TNIP3: variants seen among roughly 807,000 people sequenced by gnomAD.
TNIP3 encodes TNFAIP3 interacting protein 3.
In TNIP3, 34 loss-of-function variants were observed where a neutral mutation model predicts 54.1. That is an observed-to-expected ratio of 0.63 (90% CI 0.48 to 0.84). The LOEUF is 0.84. Ranked by LOEUF, TNIP3 falls within the 40% of genes least tolerant of loss-of-function variation. The pLI, the probability that TNIP3 is intolerant of heterozygous loss-of-function variation, is 0.00. For missense variants in TNIP3, 366 were observed against 387.6 expected (o/e 0.94, Z 0.47); for synonymous variants, 134 against 136.8 (o/e 0.98, Z 0.14).
chr4:121,204,685 T>C (rs995916975), intron 2 of TNIP3, among the ~76,000 whole-genome samples: 2 of 152,210 alleles, frequency 1.3e-5, no homozygotes, highest in Non-Finnish European at 2.9e-5. Flanking sequence ...GATATATTCT[T>C]ACATACTAGT....
At chr4:121,201,580 T>G in intron 2 of TNIP3, among the ~76,000 whole-genome samples, 1 of 152,188 alleles carries the variant, frequency 6.6e-6, no homozygotes, top group East Asian at 1.9e-4. Context: ...CTATCTAGCT[T>G]CATGCAATAC....
At chr4:121,209,552 C>G (rs1726367556) in intron 2 of TNIP3, among the ~76,000 whole-genome samples, 1 of 152,112 alleles carries the variant, frequency 6.6e-6, no homozygotes, top group Non-Finnish European at 1.5e-5. Context: ...TAAATGAACT[C>G]AAGCAAGCAG....
chr4:121,187,180 G>A (rs1361418202), intron 2 of TNIP3, among the ~76,000 whole-genome samples: 1 of 152,080 alleles, frequency 6.6e-6, no homozygotes, highest in Non-Finnish European at 1.5e-5. Flanking sequence ...ACTATGACCT[G>A]AGGGTAAAAC....
chr4:121,161,312 T>G, intron 1 of TNIP3, 96 bp from the exon 2 acceptor site: 1 of 1,023,408 alleles, frequency 9.8e-7, no homozygotes, highest in Non-Finnish European at 1.4e-6. Context: ...TGGCCAACTC[T>G]CCTGTTGCGA....
chr4:121,139,890 T>C (rs554339587), intron 9 of TNIP3, among the ~76,000 whole-genome samples: 1 of 152,358 alleles, frequency 6.6e-6, no homozygotes, highest in East Asian at 1.9e-4. Flanking sequence ...GTAAATATCC[T>C]GTAATGTTAC....
chr4:121,212,073 T>C (rs1726504751), intron 2 of TNIP3, among the ~76,000 whole-genome samples: 1 of 152,230 alleles, frequency 6.6e-6, no homozygotes, highest in African/African-American at 2.4e-5. Context: ...TCCCAAACAC[T>C]TTCTGGCATA....
chr4:121,199,440 G>A (rs1405888748), intron 2 of TNIP3, among the ~76,000 whole-genome samples: 4 of 152,134 alleles, frequency 2.6e-5, no homozygotes, highest in African/African-American at 9.7e-5. Flanking sequence ...CTCCTTTCTG[G>A]CAGAGGTAGA....
Position 121,201,044 on chromosome 4 carries a change from T to C in TNIP3, c.68+15371A>G, listed in dbSNP as rs551301934. ...TGGGGAAGAGAGTAGGAGTTGAAGG[T>C]CAAGGGGAACTTTGGTGGCTGCAAT... On this transcript the variant is annotated intron_variant, in intron 2 of 12. Coordinates refer to the TNIP3 transcript ENST00000507879. 6.6e-5 allele frequency among the ~76,000 whole-genome samples: 10 copies of C among 152,250 alleles called. No homozygotes were observed. In the East Asian group the frequency reaches 1.9e-3, roughly 29 times the overall value.
chr4:121,197,794 G>T (rs988965138), intron 2 of TNIP3, among the ~76,000 whole-genome samples: 2 of 152,098 alleles, frequency 1.3e-5, no homozygotes, highest in Non-Finnish European at 2.9e-5. Flanking sequence ...AATGAAGATT[G>T]TTGGTATTAT....
At chr4:121,176,817 C>T (rs1724385410) in intron 3 of TNIP3, among the ~76,000 whole-genome samples, 1 of 151,944 alleles carries the variant, frequency 6.6e-6, no homozygotes, top group Admixed American at 6.6e-5. Context: ...ATATATTAAT[C>T]TCTGAACCAA....
intron 2 of TNIP3, among the ~76,000 whole-genome samples, chr4:121,205,743 T>C (rs972283896): frequency 1.3e-5 from 2 of 152,070 alleles, no homozygotes; most frequent in Non-Finnish European, 2.9e-5. Context: ...TGCCTCCAAG[T>C]TCTTTCAGAT....
chr4:121,157,138 C>G lies in TNIP3; in HGVS notation c.319G>C (p.Asp107His), dbSNP rs370464126. 1 of 1,611,216 alleles carries G rather than the reference C, an allele frequency of 6.2e-7. No individual in the cohort carries two copies. The highest frequency in any genetic ancestry group is 2.2e-5 in the East Asian group (1 of 44,866). ...TCCCGGGTCAGGTCGCGCTGCCTGTCGTCCTCTCTCTGCCTGTCGTCCTTT... is the reference window on the plus strand; with the variant it reads ...TCCCGGGTCAGGTCGCGCTGCCTGTGGTCCTCTCTCTGCCTGTCGTCCTTT... The part of the protein sequence containing the change: ...QRKDDRQRED[D>H]RQRDLTRDRL... Residue 107 changes from aspartate to histidine, a missense_variant, in exon 4 of 11, where the codon GAC becomes CAC. Transcript: ENST00000057513.
At chr4:121,159,735 G>A (rs955794032) in intron 2 of TNIP3, among the ~76,000 whole-genome samples, 2 of 152,190 alleles carry the variant, frequency 1.3e-5, no homozygotes, top group African/African-American at 4.8e-5. Flanking sequence ...ATAATTTAAA[G>A]ATCTTAAGAC....
intron 2 of TNIP3, among the ~76,000 whole-genome samples, chr4:121,210,304 C>A (rs932767664): frequency 6.6e-6 from 1 of 151,994 alleles, no homozygotes; most frequent in African/African-American, 2.4e-5. Flanking sequence ...TTTTTAATAG[C>A]CTGAAGTTGA....
intron 3 of TNIP3, among the ~76,000 whole-genome samples, chr4:121,171,273 A>G (rs1010797944): frequency 7.9e-5 from 12 of 152,214 alleles, no homozygotes; most frequent in Admixed American, 7.2e-4. Context: ...TTTCAAAACA[A>G]TTTTTAAAGA....
At chr4:121,135,113 C>G (rs1327035157) in intron 10 of TNIP3, among the ~76,000 whole-genome samples, 1 of 152,168 alleles carries the variant, frequency 6.6e-6, no homozygotes, top group Non-Finnish European at 1.5e-5. Context: ...GGGCTTAGGT[C>G]TCCCTGTGCC....
intron 9 of TNIP3, among the ~76,000 whole-genome samples, chr4:121,140,350 GA>G (rs1355852908): frequency 5.9e-5 from 9 of 151,450 alleles, no homozygotes; most frequent in Admixed American, 1.3e-4. Context: ...AAAGAAAAAA[GA>G]AAAAAAGAAA....
intron 8 of TNIP3, among the ~76,000 whole-genome samples, chr4:121,142,505 C>T (rs1315263713): frequency 1.3e-5 from 2 of 152,174 alleles, no homozygotes; most frequent in East Asian, 1.9e-4. Context: ...ACTTGTGCTA[C>T]TGGTAACATG....
rs574181715 is a variant in TNIP3 at position 121,144,044 on chromosome 4, G to A, written c.736-1268C>T. On this transcript the variant is annotated intron_variant, in intron 7 of 10. Coordinates refer to ENST00000057513, the MANE Select transcript of TNIP3 (RefSeq NM_024873.6). ...CTTTGCTGCTCTGCTCATATGTAAG[G>A]ATGTATCACAAAGCACCACAAGTAT... Among the ~76,000 whole-genome samples the A allele has an allele frequency of 7.2e-5, 11 of 152,290 alleles. No homozygotes were observed. In the South Asian group the frequency reaches 2.3e-3, roughly 32 times the overall value.
Sources: gnomAD v4.1 joint callset for allele counts (sites outside exome capture counted in the v4.1 genomes callset) on GRCh38, gnomAD v4.1.1 for gene constraint, MANE v1.5 for transcripts, NCBI Gene and HGNC (gene_info 2026-07-23, HGNC 2026-07-21) for gene names.